CCDC3: variants seen among roughly 807,000 people sequenced by gnomAD.
CCDC3 encodes the protein coiled-coil domain-containing protein 3.
A neutral mutation model predicts 21.4 loss-of-function variants in CCDC3; 24 were observed. That is an observed-to-expected ratio of 1.12 (90% CI 0.81 to 1.58). The LOEUF (loss-of-function observed/expected upper bound fraction) is 1.58. Ranked by LOEUF, CCDC3 falls within the 40% of genes most tolerant of loss-of-function variation. The probability of loss-of-function intolerance (pLI) is 0.00; values close to 1 mark genes in which losing one functional copy is unlikely to be tolerated. For missense variants in CCDC3, 425 were observed against 360.9 expected, an observed-to-expected ratio of 1.18 and a Z score of -1.44; for synonymous variants, 186 against 166.0, an observed-to-expected ratio of 1.12 and a Z score of -0.93.
intron 5 of CCDC3, among the ~76,000 whole-genome samples, chr10:13,014,704 T>C (rs1836029686): frequency 6.6e-6 from 1 of 152,058 alleles, no homozygotes; most frequent in Non-Finnish European, 1.5e-5. Context: ...TAGCGGTTTG[T>C]TGGTACTGGG....
intron 2 of CCDC3, among the ~76,000 whole-genome samples, chr10:12,992,232 A>T (rs1340552980): frequency 1.3e-5 from 2 of 152,090 alleles, no homozygotes; most frequent in African/African-American, 4.8e-5. Flanking sequence ...TCTATTAAAA[A>T]TACAAAAATC....
At chr10:12,911,731 G>A (rs1834274046) in intron 2 of CCDC3, among the ~76,000 whole-genome samples, 1 of 152,090 alleles carries the variant, frequency 6.6e-6, no homozygotes, top group South Asian at 2.1e-4. Flanking sequence ...ATTAACTGTA[G>A]CCACCATGAT....
At chr10:12,907,737 T>C (rs1834196706) in intron 2 of CCDC3, among the ~76,000 whole-genome samples, 1 of 152,214 alleles carries the variant, frequency 6.6e-6, no homozygotes, top group African/African-American at 2.4e-5. Context: ...TGCCTTTTCC[T>C]TACTTTCCTT....
intron 5 of CCDC3, among the ~76,000 whole-genome samples, chr10:13,027,724 AAAAAAAAAC>A: frequency 6.6e-6 from 1 of 150,494 alleles, no homozygotes; most frequent in East Asian, 1.9e-4. Flanking sequence ...AAAAATTAAA[AAAAAAAAAC>A]AAAAAAAAAC....
intron 2 of CCDC3, among the ~76,000 whole-genome samples, chr10:12,948,728 G>GTTTTTTTTT (rs72323989): frequency 1.5e-4 from 14 of 91,078 alleles, no homozygotes; most frequent in Non-Finnish European, 2.0e-4. Flanking sequence ...TTTTAAGGCA[G>GTTTTTTTTT]TTTTTTTTTT....
intron 4 of CCDC3, among the ~76,000 whole-genome samples, chr10:13,051,071 G>A (rs1247759156): frequency 2.6e-5 from 4 of 152,216 alleles, no homozygotes; most frequent in African/African-American, 7.2e-5. Context: ...GATCATAGGT[G>A]TGAGCTCTGT....
chr10:13,065,736 C>T (rs1836813544), intron 4 of CCDC3, among the ~76,000 whole-genome samples: 1 of 152,164 alleles, frequency 6.6e-6, no homozygotes, highest in Admixed American at 6.5e-5. Context: ...ATCCCTGCAA[C>T]ATTCTCTTTG....
At position 12,940,600 on chromosome 10, in the gene CCDC3, G is replaced by GT. The variant is rs530678169; in HGVS notation, c.550-41922dup. On this transcript the variant is annotated intron_variant, in intron 2 of 2. Coordinates refer to ENST00000378825, the MANE Select transcript of CCDC3 (RefSeq NM_031455.4). ...TCCATGACTGTCCAATCATAACCTT[G>GT]TAGAGCCTTACCTTACAGAATAATC... Among the ~76,000 whole-genome samples the GT allele has an allele frequency of 2.1e-3, 327 of 152,288 alleles. 1 individual carries two copies. Among genetic ancestry groups the GT allele is most frequent in the African/African-American group, 7.3e-3 (304 of 41,562 alleles).
intron 2 of CCDC3, among the ~76,000 whole-genome samples, chr10:12,931,403 G>A (rs1834641281): frequency 6.6e-6 from 1 of 152,104 alleles, no homozygotes. Flanking sequence ...AACAGAGCCT[G>A]GAAAGCTAAA....
chr10:13,003,922 C>A (rs1346133074), upstream of CCDC3, among the ~76,000 whole-genome samples: 3 of 152,216 alleles, frequency 2.0e-5, no homozygotes, highest in Non-Finnish European at 2.9e-5. Flanking sequence ...ATCAGTCATG[C>A]TTTTCTCCCC....
intron 2 of CCDC3, among the ~76,000 whole-genome samples, chr10:12,906,505 G>A (rs1834174658): frequency 6.6e-6 from 1 of 152,162 alleles, no homozygotes; most frequent in African/African-American, 2.4e-5. Flanking sequence ...TGCCGGGGGA[G>A]GAGGTAGCCG....
intron 2 of CCDC3, among the ~76,000 whole-genome samples, chr10:12,990,306 A>T (rs1453950804): frequency 6.6e-6 from 1 of 152,148 alleles, no homozygotes; most frequent in Non-Finnish European, 1.5e-5. Flanking sequence ...AGCAGTAAAA[A>T]TTATTAAATC....
At chr10:13,062,782 T>A (rs1836773164) in intron 4 of CCDC3, among the ~76,000 whole-genome samples, 1 of 152,226 alleles carries the variant, frequency 6.6e-6, no homozygotes, top group African/African-American at 2.4e-5. Context: ...TTAGGAGTCA[T>A]GCAGCTGGAG....
chr10:12,962,161 G>A (rs1357894588), intron 2 of CCDC3, among the ~76,000 whole-genome samples: 2 of 152,196 alleles, frequency 1.3e-5, no homozygotes, highest in African/African-American at 2.4e-5. Context: ...TGAAGTGGAA[G>A]GATTTGATAT....
At chr10:13,075,168 T>C (rs921884713) in intron 3 of CCDC3, among the ~76,000 whole-genome samples, 1 of 152,222 alleles carries the variant, frequency 6.6e-6, no homozygotes, top group African/African-American at 2.4e-5. Context: ...CTTATCAATA[T>C]CTCAGAAGCT....
chr10:13,091,376 C>T (rs1832569409), intron 3 of CCDC3, among the ~76,000 whole-genome samples: 1 of 152,036 alleles, frequency 6.6e-6, no homozygotes, highest in Non-Finnish European at 1.5e-5. Context: ...TGAAAGAGAC[C>T]CCAGAGAGCT....
intron 4 of CCDC3, chr10:13,058,117 G>A: frequency 3.6e-6 from 3 of 830,110 alleles, no homozygotes; most frequent in Non-Finnish European, 6.3e-6. Flanking sequence ...TAAATTCCTT[G>A]TTTTCAGAAT....
At chr10:12,916,426 C>CAAAAA (rs71386129) in intron 2 of CCDC3, among the ~76,000 whole-genome samples, 1 of 105,270 alleles carries the variant, frequency 9.5e-6, no homozygotes, top group Non-Finnish European at 1.9e-5. Context: ...GACTCCATCT[C>CAAAAA]AAAAAAAAAA....
At chr10:13,044,467 A>T (rs1836499021) in intron 5 of CCDC3, among the ~76,000 whole-genome samples, 1 of 152,110 alleles carries the variant, frequency 6.6e-6, no homozygotes, top group African/African-American at 2.4e-5. Flanking sequence ...TTCTTCTAGG[A>T]CTTTTCATTT....
Sources: allele counts gnomAD v4.1 joint callset (sites outside exome capture counted in the v4.1 genomes callset), GRCh38; gene constraint gnomAD v4.1.1; transcripts MANE v1.5; gene names NCBI Gene and HGNC (gene_info 2026-07-23, HGNC 2026-07-21).